Variants in ZW10 observed in about 807,000 individuals in gnomAD.
The protein encoded by ZW10 is centromere/kinetochore protein zw10 homolog.
ZW10 carries 53 observed loss-of-function variants against 87.8 expected under a neutral mutation model. The observed-to-expected ratio is 0.60, with a 90% confidence interval of 0.48 to 0.76. The LOEUF is 0.76. Ranked by LOEUF, ZW10 falls within the 30% of genes least tolerant of loss-of-function variation. The pLI is 0.00. For synonymous variants in ZW10, 312 were observed against 329.2 expected, an observed-to-expected ratio of 0.95 and a Z score of 0.57; for missense variants, 837 against 923.0, an observed-to-expected ratio of 0.91 and a Z score of 1.21.
At chr11:113,764,375 G>GT (rs1189237903) in intron 2 of ZW10, among the ~76,000 whole-genome samples, 1 of 152,126 alleles carries the variant, frequency 6.6e-6, no homozygotes, top group African/African-American at 2.4e-5. Context: ...AATTAAAACA[G>GT]TTTTTTCTAA....
chr11:113,768,692 C>T, intron 2 of ZW10, 141 bp downstream of exon 2: 4 of 837,542 alleles, frequency 4.8e-6, no homozygotes, highest in South Asian at 2.2e-5. Context: ...TTGAAGTCAC[C>T]CTACAATCAT....
In ZW10 at chr11:113,760,337, C is replaced by A; in HGVS notation, c.452G>T (p.Arg151Ile). The change falls in exon 5 of 16, where the codon AGA becomes ATA. Residue 151 changes from arginine (R) to isoleucine (I), a missense_variant. Coordinates refer to ENST00000200135, the MANE Select transcript of ZW10 (RefSeq NM_004724.4). ...AQKCLKLLKS[R>I]KCFDLKILKS... is the part of the protein sequence containing the mutation. ...CAATATTTTTAAATCAAAGCATTTT[C>A]TGGATTTTAATAACTTCAAGCATTT... The A allele has an allele frequency of 2.5e-6, 4 of 1,613,862 alleles. No individual in the cohort carries two copies. The highest frequency in any genetic ancestry group is 3.4e-6 in the Non-Finnish European group (4 of 1,179,964).
rs532588979 is a variant in ZW10, at chr11:113,747,889, T to C, written c.1090-176A>G. On this transcript the variant is annotated intron_variant, in intron 8 of 15. Coordinates refer to ENST00000200135, the MANE Select transcript of ZW10 (RefSeq NM_004724.4). ...CCAGCCTTAAATTCATTAGAAAGAA[T>C]ATCTTCAGTAGAAATGTCTGACTCT... Among the ~76,000 whole-genome samples the C allele has an allele frequency of 3.4e-4, 52 of 152,314 alleles. 1 individual carries two copies. In the South Asian group the frequency reaches 0.01, roughly 30 times the overall value.
rs377079908 is a variant in ZW10, at chr11:113,757,823, G to A, written c.764C>T (p.Pro255Leu). 54 of 1,610,464 alleles carry A rather than the reference G, an allele frequency of 3.4e-5. No homozygotes were observed. In the Admixed American group the frequency reaches 4.7e-4, roughly 14 times the overall value. The change falls in exon 7 of 16, where the codon CCG (proline) becomes CTG (leucine). Residue 255 changes from proline (P) to leucine (L), a missense_variant. By Grantham distance (98) the Pro-to-Leu change is moderately conservative (BLOSUM62 -3). Transcript: ENST00000200135. ...GQMLLKYILRPLASCPSLHAV... is the reference protein window; with the variant it reads ...GQMLLKYILRLLASCPSLHAV... ...ATGAAGGGATGGGCAAGATGCCAGC[G>A]GCCTAAGGATATACTTCAGCAGCAT...
At chr11:113,760,042 C>T (rs1953840416) in intron 5 of ZW10, among the ~76,000 whole-genome samples, 167 bp downstream of exon 5, 1 of 152,116 alleles carries the variant, frequency 6.6e-6, no homozygotes, top group East Asian at 1.9e-4. Context: ...TTTAGGGACC[C>T]AGATGAGTTG....
At position 113,760,520 on chromosome 11, in the gene ZW10, A is replaced by G; in HGVS notation, c.413T>C (p.Leu138Pro). 6.2e-7 allele frequency: 1 copy of G among 1,613,718 alleles called. No individual in the cohort carries two copies. The highest frequency in any genetic ancestry group is 8.5e-7 in the Non-Finnish European group (1 of 1,179,766). ...GGGGAGAGCATTTAGTACCTCTTCC[A>G]GACGCTGAGCACCAGTGACATACTT... ...EKKYVTGAQR[L>P]EEAQKCLKLL... The change falls in exon 4 of 16, where the codon CTG becomes CCG. Residue 138 changes from leucine to proline, a missense_variant. By Grantham distance (98) the Leu-to-Pro change is moderately conservative. Coordinates refer to ENST00000200135, the MANE Select transcript of ZW10 (RefSeq NM_004724.4).
At chr11:113,741,632 A>T (rs1953619992) in intron 11 of ZW10, 62 bp downstream of exon 11, 1 of 1,130,488 alleles carries the variant, frequency 8.8e-7, no homozygotes, top group East Asian at 2.6e-5. Flanking sequence ...ATTTGTTTTA[A>T]CTTAACTTCC....
chr11:113,739,518 T>C (rs1953591309), intron 11 of ZW10, 136 bp from the exon 12 acceptor site: 3 of 731,444 alleles, frequency 4.1e-6, no homozygotes, highest in Middle Eastern at 3.9e-4. Context: ...CATAACAAGA[T>C]ACAATCTCAT....
chr11:113,757,942 T>C (rs1045728122), intron 6 of ZW10, 89 bp from the exon 7 acceptor site: 14 of 1,119,554 alleles, frequency 1.3e-5, no homozygotes, highest in Non-Finnish European at 1.7e-5. Context: ...TCCCAGCACT[T>C]TGGGAGGCCG....
intron 2 of ZW10, among the ~76,000 whole-genome samples, chr11:113,761,226 T>C (rs935221332): frequency 6.6e-6 from 1 of 152,220 alleles, no homozygotes; most frequent in Non-Finnish European, 1.5e-5. Context: ...ACTAGAAAGG[T>C]ATCCCCACTG....
chr11:113,734,222 C>T (rs1310968973), intron 15 of ZW10, among the ~76,000 whole-genome samples: 2 of 152,168 alleles, frequency 1.3e-5, no homozygotes, highest in East Asian at 3.8e-4. Flanking sequence ...AGTGAAACCA[C>T]AAACAACCTA....
At position 113,748,272 on chromosome 11, in the gene ZW10, T is replaced by G. The variant is rs574474663; in HGVS notation, c.1074A>C (p.Leu358Phe). The G allele has an allele frequency of 6.2e-6, 10 of 1,612,662 alleles. No homozygotes were observed. The South Asian group carries it at 1.1e-4, about 18-fold the overall frequency. ...GGCTCTTTACCTCTTCATATTGCTGTAATTTGCTGCTATTTGTTGGAATCG... is the reference window on the plus strand; with the variant it reads ...GGCTCTTTACCTCTTCATATTGCTGGAATTTGCTGCTATTTGTTGGAATCG... ...VYSIPTNSSKLQQYEEIIQST... is the reference protein window; with the variant it reads ...VYSIPTNSSKFQQYEEIIQST... Residue 358 changes from leucine to phenylalanine, a missense_variant, in exon 8 of 16, where the codon TTA becomes TTC. Physicochemically the swap from Leu to Phe is conservative, Grantham distance 22. Coordinates refer to ENST00000200135, the MANE Select transcript of ZW10 (RefSeq NM_004724.4).
At chr11:113,739,038 C>T (rs1650435375) in intron 12 of ZW10, among the ~76,000 whole-genome samples, 175 bp downstream of exon 12, 2 of 152,206 alleles carry the variant, frequency 1.3e-5, no homozygotes, top group Non-Finnish European at 2.9e-5. Flanking sequence ...AAAGACTACA[C>T]TCACCTTATA....
At chr11:113,749,334 T>C (rs1321100189) in intron 7 of ZW10, among the ~76,000 whole-genome samples, 16 of 152,234 alleles carry the variant, frequency 1.1e-4, no homozygotes, top group Non-Finnish European at 2.1e-4. Context: ...AAAATGTGGC[T>C]AGTGTGACTG....
At chr11:113,755,801 C>T (rs1410122593) in intron 7 of ZW10, among the ~76,000 whole-genome samples, 1 of 152,194 alleles carries the variant, frequency 6.6e-6, no homozygotes, top group African/African-American at 2.4e-5. Context: ...CCTGATCAGT[C>T]AGCAGCCATC....
intron 15 of ZW10, among the ~76,000 whole-genome samples, chr11:113,735,894 A>G (rs1455862356): frequency 6.6e-6 from 1 of 152,180 alleles, no homozygotes; most frequent in African/African-American, 2.4e-5. Context: ...CTGCAGGTCA[A>G]TCAAACAGTA....
intron 10 of ZW10, among the ~76,000 whole-genome samples, chr11:113,742,529 G>A (rs577854363): frequency 2.0e-5 from 3 of 152,264 alleles, no homozygotes; most frequent in Non-Finnish European, 2.9e-5. Context: ...TAATGAAAAA[G>A]GGGGTTGTTG....
At chr11:113,760,062 A>G in intron 5 of ZW10, 147 bp downstream of exon 5, 1 of 983,390 alleles carries the variant, frequency 1.0e-6, no homozygotes. Flanking sequence ...GGTCCTAAGA[A>G]AGCATCTTGC....
rs998462180 is a variant in ZW10, at chr11:113,758,705, A to G, written c.582T>C (p.Asp194=). The change falls in exon 6 of 16, where the codon GAT becomes GAC. Residue 194 remains aspartate (D), a splice_region_variant and synonymous_variant. Transcript: ENST00000200135. ...LIVWKFPPSK[D]TSSLESYLQT... is the part of the protein sequence containing the mutation. Reference sequence around the variant, plus strand: ...GTAGGTAAGATTCCAAACTGCTGGTATCTAAGAAAAAGGAAGAAAAATATC... The same window carrying G: ...GTAGGTAAGATTCCAAACTGCTGGTGTCTAAGAAAAAGGAAGAAAAATATC... 1 of 1,613,878 alleles carries G rather than the reference A, an allele frequency of 6.2e-7. No homozygotes were observed. Among genetic ancestry groups the G allele is most frequent in the Non-Finnish European group, 8.5e-7 (1 of 1,179,934 alleles).
Sources: allele counts gnomAD v4.1 joint callset (sites outside exome capture counted in the v4.1 genomes callset), GRCh38; gene constraint gnomAD v4.1.1; transcripts MANE v1.5; gene names NCBI Gene and HGNC (gene_info 2026-07-23, HGNC 2026-07-21).